ARHGEF4: variants seen among roughly 807,000 people sequenced by gnomAD.
ARHGEF4 encodes APC-stimulated guanine nucleotide exchange factor 1.
ARHGEF4 carries 119 observed loss-of-function variants against 162.0 expected under a neutral mutation model. The observed-to-expected ratio is 0.73, with a 90% CI of 0.63 to 0.86. The LOEUF (loss-of-function observed/expected upper bound fraction) is 0.86. Among genes scored for constraint, ARHGEF4 ranks in the 40% least tolerant of loss-of-function variants. The pLI is 0.00. For synonymous variants in ARHGEF4, 1,014 were observed against 979.9 expected, an observed-to-expected ratio of 1.03 and a Z score of -0.65; for missense variants, 2,488 against 2,456.0, an observed-to-expected ratio of 1.01 and a Z score of -0.28.
chr2:131,030,145 A>T lies in ARHGEF4; in HGVS notation c.4125+2061A>T, dbSNP rs1440038383. ...AGGTGGGGGTTCCATGGCTGGCCTT[A>T]TGGCTGCGTTGATCTTGTGTCTGCA... On this transcript the variant is annotated intron_variant, in intron 5 of 13. Transcript: ENST00000409359. Among the ~76,000 whole-genome samples, 3 of 152,162 alleles carry T rather than the reference A, an allele frequency of 2.0e-5. No homozygotes were observed. In the East Asian group the frequency reaches 5.8e-4, roughly 29 times the overall value.
intron 1 of ARHGEF4, among the ~76,000 whole-genome samples, chr2:130,912,483 A>G (rs1271588269): frequency 1.3e-5 from 2 of 152,216 alleles, no homozygotes; most frequent in Non-Finnish European, 2.9e-5. Flanking sequence ...CCTGCACCTT[A>G]AGAGCACTGG....
intron 5 of ARHGEF4, chr2:131,035,980 C>T: frequency 2.0e-6 from 1 of 500,706 alleles, no homozygotes; most frequent in Non-Finnish European, 2.6e-6. Flanking sequence ...ATTTGAGTCT[C>T]AAATGTGCAC....
At chr2:130,933,551 C>A (rs1390702114) in intron 3 of ARHGEF4, among the ~76,000 whole-genome samples, 1 of 152,160 alleles carries the variant, frequency 6.6e-6, no homozygotes, top group East Asian at 1.9e-4. Flanking sequence ...TCTTCAAATC[C>A]ATGAACACTG....
intron 4 of ARHGEF4, among the ~76,000 whole-genome samples, chr2:130,963,327 C>G (rs1277237092): frequency 6.6e-6 from 1 of 152,064 alleles, no homozygotes; most frequent in Non-Finnish European, 1.5e-5. Flanking sequence ...GGTCGTGTCC[C>G]GTCTGAGCGC....
chr2:130,901,656 G>T (rs1680496899), intron 1 of ARHGEF4, among the ~76,000 whole-genome samples: 1 of 152,026 alleles, frequency 6.6e-6, no homozygotes, highest in South Asian at 2.1e-4. Context: ...AAGCAGCTGG[G>T]ACTACAGGCG....
Position 131,038,988 on chromosome 2 carries a change from C to T in ARHGEF4, c.4261C>T (p.Arg1421Trp), listed in dbSNP as rs1391965930. The T allele has an allele frequency of 1.9e-6, 3 of 1,613,546 alleles. No homozygotes were observed. The highest frequency in any genetic ancestry group is 2.2e-5 in the East Asian group (1 of 44,868). ...CACCAACAGAGAGTGGTGGTGGGGC[C>T]GGGTCGCCGATGGCGAGGGCTGGTT... ...DATNREWWWG[R>W]VADGEGWFPA... is the part of the protein sequence containing the mutation. Residue 1421 changes from arginine to tryptophan, a missense_variant, in exon 6 of 14, where the codon CGG (arginine) becomes TGG (tryptophan). Arg to Trp is a moderately radical substitution (Grantham distance 101). Transcript: ENST00000409359.
At chr2:131,045,623 G>A in intron 13 of ARHGEF4, 177 bp downstream of exon 13, 2 of 1,562,234 alleles carry the variant, frequency 1.3e-6, no homozygotes, top group Non-Finnish European at 1.7e-6. Flanking sequence ...GGAAGCCTGG[G>A]TCAGTATATG....
chr2:130,953,862 C>A (rs1252500879), intron 4 of ARHGEF4, among the ~76,000 whole-genome samples: 1 of 152,218 alleles, frequency 6.6e-6, no homozygotes, highest in Non-Finnish European at 1.5e-5. Context: ...GATACCATCT[C>A]ACACCAGTTA....
chr2:130,933,401 CT>C (rs1217003440), intron 3 of ARHGEF4, among the ~76,000 whole-genome samples: 1 of 152,050 alleles, frequency 6.6e-6, no homozygotes, highest in Non-Finnish European at 1.5e-5. Context: ...ATTGTTTTGG[CT>C]TTTTGTTGGA....
rs541050117 is a variant in ARHGEF4 at position 130,917,743 on chromosome 2, A to T, written c.3552+245A>T. 3.0e-4 allele frequency among the ~76,000 whole-genome samples: 45 copies of T among 152,026 alleles called. 1 individual carries two copies. The highest frequency in any genetic ancestry group is 9.9e-4 in the African/African-American group (41 of 41,468). On this transcript the variant is annotated intron_variant, in intron 2 of 13. Transcript: ENST00000409359. ...CATTTCGTGTTTTTCTTTAATTTCA[A>T]GCCATTTGAATTTTCTTTTGTATGA... is the stretch of plus-strand genomic sequence containing the variant.
intron 12 of ARHGEF4, 121 bp downstream of exon 12, chr2:131,044,663 G>A (rs139725757): frequency 1.5e-6 from 2 of 1,344,638 alleles, no homozygotes; most frequent in African/African-American, 1.5e-5. Flanking sequence ...GTGTAGCAAG[G>A]CTCCAGGCAC....
intron 1 of ARHGEF4, among the ~76,000 whole-genome samples, chr2:130,890,444 C>T (rs961893777): frequency 6.6e-6 from 1 of 152,038 alleles, no homozygotes; most frequent in South Asian, 2.1e-4. Context: ...TGCCTGTAGT[C>T]CCAGGTACTT....
At chr2:131,004,471 GT>G (rs1272367200) in intron 4 of ARHGEF4, among the ~76,000 whole-genome samples, 1 of 152,146 alleles carries the variant, frequency 6.6e-6, no homozygotes, top group Non-Finnish European at 1.5e-5. Context: ...AGCCCTCTCT[GT>G]TTTTTAAACC....
intron 4 of ARHGEF4, among the ~76,000 whole-genome samples, chr2:130,980,687 G>T (rs1160369118): frequency 6.6e-6 from 1 of 152,204 alleles, no homozygotes; most frequent in Non-Finnish European, 1.5e-5. Flanking sequence ...GTAAACCAGT[G>T]CAGCATGTGC....
chr2:131,006,994 C>G (rs1381690362), intron 4 of ARHGEF4, among the ~76,000 whole-genome samples: 1 of 152,172 alleles, frequency 6.6e-6, no homozygotes. Context: ...AAGGCTGTCA[C>G]AATGACATAC....
At chr2:130,959,810 TTTC>T (rs1684527009) in intron 4 of ARHGEF4, among the ~76,000 whole-genome samples, 3 of 152,220 alleles carry the variant, frequency 2.0e-5, no homozygotes, top group African/African-American at 4.8e-5. Flanking sequence ...CTTTGGCTTC[TTTC>T]CATCCAGCAC....
At position 130,973,816 on chromosome 2, in the gene ARHGEF4, G is replaced by A. The variant is rs188736782; in HGVS notation, c.3985+27181G>A. On this transcript the variant is annotated intron_variant, in intron 4 of 13. Coordinates refer to ENST00000409359, the MANE Select transcript of ARHGEF4 (RefSeq NM_001367493.1). ...TCCTAGCACTTGTTTTGTCTGCAAG[G>A]TGAGAGAATAGATGATTTATACTTT... 7.4e-4 allele frequency among the ~76,000 whole-genome samples: 112 copies of A among 152,264 alleles called. 1 individual carries two copies. The highest frequency in any genetic ancestry group is 2.6e-3 in the African/African-American group (109 of 41,552).
Position 130,911,947 on chromosome 2 carries a change from C to T in ARHGEF4, c.40-2039C>T, listed in dbSNP as rs114226974. On this transcript the variant is annotated intron_variant, in intron 1 of 13. Transcript: ENST00000409359. The stretch of plus-strand genomic sequence containing the variant: ...CTGCTCATGTAAGCAATGATGCCTG[C>T]GTGAGTCTGGAAGGTGACATCAAGC... 6.3e-3 allele frequency among the ~76,000 whole-genome samples: 954 copies of T among 152,274 alleles called. 9 individuals are homozygous for T. The highest frequency in any genetic ancestry group is 7.6e-3 in the Non-Finnish European group (519 of 68,016).
At chr2:130,999,564 C>T (rs964065187) in intron 4 of ARHGEF4, among the ~76,000 whole-genome samples, 14 of 152,140 alleles carry the variant, frequency 9.2e-5, no homozygotes, top group African/African-American at 3.4e-4. Flanking sequence ...TCTTAATGTG[C>T]TAACATTTTG....
Sources: gnomAD v4.1 joint callset for allele counts (sites outside exome capture counted in the v4.1 genomes callset) on GRCh38, gnomAD v4.1.1 for gene constraint, MANE v1.5 for transcripts, NCBI Gene and HGNC (gene_info 2026-07-23, HGNC 2026-07-21) for gene names.